MGAT4C: variants seen among roughly 807,000 people sequenced by gnomAD.
MGAT4C encodes the protein alpha-1,3-mannosyl-glycoprotein 4-beta-N-acetylglucosaminyltransferase C.
A neutral mutation model predicts 40.1 loss-of-function variants in MGAT4C; 19 were observed. The ratio of observed to expected loss-of-function variants is 0.47; its 90% CI spans 0.33 to 0.70. MGAT4C has a LOEUF of 0.70. Ranked by LOEUF, MGAT4C falls within the 30% of genes least tolerant of loss-of-function variation. MGAT4C has a pLI of 0.02. For synonymous variants in MGAT4C, 181 were observed against 187.1 expected (o/e 0.97, Z 0.27); for missense variants, 491 against 563.2 (o/e 0.87, Z 1.30).
At chr12:86,564,039 A>G (rs1052857642) in intron 2 of MGAT4C, among the ~76,000 whole-genome samples, 1 of 152,164 alleles carries the variant, frequency 6.6e-6, no homozygotes, top group African/African-American at 2.4e-5. Flanking sequence ...AAATAGTATC[A>G]TATCTGTGGA....
rs145418660 is a variant in MGAT4C, at chr12:86,161,141, G to A, written c.-57+95098C>T. Among the ~76,000 whole-genome samples the A allele has an allele frequency of 3.4e-3, 510 of 151,966 alleles. 4 individuals carry two copies. The highest frequency in any genetic ancestry group is 4.5e-3 in the Non-Finnish European group (306 of 67,890). ...TCAAACTACCAACATAATTATTCAC[G>A]GAATTAGAAAAAATGATTCCAAAAT... On this transcript the variant is annotated intron_variant, in intron 1 of 4. Transcript: ENST00000611864.
At chr12:86,364,562 C>T (rs1284968495) in intron 3 of MGAT4C, among the ~76,000 whole-genome samples, 3 of 152,126 alleles carry the variant, frequency 2.0e-5, no homozygotes, top group Non-Finnish European at 2.9e-5. Context: ...GAATCCTCTC[C>T]CTATCGGGGG....
At chr12:86,239,765 T>C (rs926000609) in intron 1 of MGAT4C, among the ~76,000 whole-genome samples, 1 of 151,848 alleles carries the variant, frequency 6.6e-6, no homozygotes, top group Non-Finnish European at 1.5e-5. Flanking sequence ...TTTTTAATGC[T>C]TTTACTTTTC....
At chr12:86,074,917 A>G (rs1322265156) in intron 1 of MGAT4C, among the ~76,000 whole-genome samples, 3 of 152,042 alleles carry the variant, frequency 2.0e-5, no homozygotes, top group African/African-American at 7.2e-5. Context: ...TGGGGGAATT[A>G]TGGAAGCTAC....
At chr12:86,460,154 C>T (rs1441356675) in intron 2 of MGAT4C, among the ~76,000 whole-genome samples, 1 of 151,944 alleles carries the variant, frequency 6.6e-6, no homozygotes, top group Admixed American at 6.6e-5. Flanking sequence ...TTGAATACAG[C>T]CTGAGCAACA....
intron 2 of MGAT4C, among the ~76,000 whole-genome samples, chr12:86,715,703 A>T (rs1444160103): frequency 6.6e-6 from 1 of 152,142 alleles, no homozygotes; most frequent in African/African-American, 2.4e-5. Context: ...CACACAGCTA[A>T]GGAAGTCTAC....
intron 4 of MGAT4C, among the ~76,000 whole-genome samples, chr12:86,331,349 GCATGTACAACTGTGGCATT>G: frequency 6.6e-6 from 1 of 152,076 alleles, no homozygotes; most frequent in East Asian, 1.9e-4. Flanking sequence ...GAAGTTATAC[GCATGTACAACTGTGGCATT>G]TTTCCCTTAC....
intron 1 of MGAT4C, among the ~76,000 whole-genome samples, chr12:86,080,629 T>C (rs565515395): frequency 2.0e-5 from 3 of 152,082 alleles, no homozygotes; most frequent in South Asian, 4.1e-4. Context: ...ACCGGTACCA[T>C]GAATTCAACT....
At chr12:86,549,415 G>A (rs1183108665) in intron 2 of MGAT4C, among the ~76,000 whole-genome samples, 1 of 152,156 alleles carries the variant, frequency 6.6e-6, no homozygotes, top group African/African-American at 2.4e-5. Context: ...TAAGTCATCT[G>A]AGGAGTTTAA....
At chr12:86,538,080 C>T (rs1959104807) in intron 2 of MGAT4C, among the ~76,000 whole-genome samples, 2 of 151,942 alleles carry the variant, frequency 1.3e-5, no homozygotes, top group Non-Finnish European at 2.9e-5. Flanking sequence ...GAGCAAGACT[C>T]CATCTCAATA....
intron 2 of MGAT4C, among the ~76,000 whole-genome samples, chr12:86,525,522 C>A (rs1271294454): frequency 1.3e-5 from 2 of 152,208 alleles, no homozygotes; most frequent in Admixed American, 6.5e-5. Context: ...TTCTGACTTT[C>A]TGAGTTGTCA....
intron 2 of MGAT4C, among the ~76,000 whole-genome samples, chr12:86,654,329 A>G (rs1367594112): frequency 1.2e-5 from 1 of 84,972 alleles, no homozygotes; most frequent in African/African-American, 3.3e-5. Flanking sequence ...CTAATAGAAA[A>G]TAAGTTTGTG....
At chr12:86,110,276 ATAGTCTATATATATATAGTCTCTC>A (rs1877052834) in intron 1 of MGAT4C, among the ~76,000 whole-genome samples, 1 of 73,584 alleles carries the variant, frequency 1.4e-5, no homozygotes, top group African/African-American at 6.3e-5. Flanking sequence ...GACTATATAT[ATAGTCTATATATATATAGTCTCTC>A]TATATATATA....
At chr12:86,536,651 G>C (rs1295126880) in intron 2 of MGAT4C, among the ~76,000 whole-genome samples, 12 of 152,164 alleles carry the variant, frequency 7.9e-5, no homozygotes, top group Non-Finnish European at 1.6e-4. Context: ...ACACTTTCTA[G>C]AGAGTTTTAA....
intron 3 of MGAT4C, among the ~76,000 whole-genome samples, chr12:86,335,068 T>G (rs2136177203): frequency 6.6e-6 from 1 of 152,276 alleles, no homozygotes; most frequent in African/African-American, 2.4e-5. Context: ...AGTTTTTCCA[T>G]TATTACATGT....
chr12:86,036,279 C>T (rs1891231131), intron 2 of MGAT4C, among the ~76,000 whole-genome samples: 1 of 149,934 alleles, frequency 6.7e-6, no homozygotes, highest in Admixed American at 6.7e-5. Flanking sequence ...CTTTGACTTC[C>T]TCTTTTCTTA....
intron 2 of MGAT4C, among the ~76,000 whole-genome samples, chr12:86,674,344 T>C (rs1964337177): frequency 6.6e-6 from 1 of 152,194 alleles, no homozygotes; most frequent in Non-Finnish European, 1.5e-5. Flanking sequence ...ACATTTCAAA[T>C]TTTTACTATG....
chr12:86,833,446 G>GC (rs1386450687), intron 1 of MGAT4C, among the ~76,000 whole-genome samples: 4 of 151,878 alleles, frequency 2.6e-5, no homozygotes, highest in African/African-American at 9.7e-5. Context: ...TTGAAAGGTT[G>GC]CAAGTCTGAA....
intron 1 of MGAT4C, among the ~76,000 whole-genome samples, chr12:86,102,643 C>G (rs1875311298): frequency 6.6e-6 from 1 of 152,044 alleles, no homozygotes; most frequent in South Asian, 2.1e-4. Flanking sequence ...CGGACAGTAT[C>G]AGCTAACCCA....
Sources: gnomAD v4.1 joint callset for allele counts (sites outside exome capture counted in the v4.1 genomes callset) on GRCh38, gnomAD v4.1.1 for gene constraint, MANE v1.5 for transcripts, NCBI Gene and HGNC (gene_info 2026-07-23, HGNC 2026-07-21) for gene names.